The following SLIT3 variants were observed in gnomAD, a reference collection of about 807,000 sequenced individuals.
The protein encoded by SLIT3 is slit homolog 3 protein.
SLIT3 carries 68 observed loss-of-function variants against 184.0 expected under a neutral mutation model. The observed-to-expected ratio is 0.37, with a 90% confidence interval of 0.30 to 0.45. The LOEUF (loss-of-function observed/expected upper bound fraction) is 0.45, where lower values mean the gene tolerates loss of function less well. Among genes scored for constraint, SLIT3 ranks in the 20% least tolerant of loss-of-function variants. SLIT3 has a pLI of 1.00. For synonymous variants in SLIT3, 831 were observed against 828.6 expected (o/e 1.00, Z -0.05); for missense variants, 1,707 against 2,026.0 (o/e 0.84, Z 3.02).
chr5:168,721,941 T>A (rs905543689), intron 23 of SLIT3, among the ~76,000 whole-genome samples: 1 of 152,086 alleles, frequency 6.6e-6, no homozygotes, highest in Admixed American at 6.5e-5. Context: ...TACTAGAGGG[T>A]AGAATACAAT....
chr5:168,992,100 T>G (rs1755350221), intron 4 of SLIT3, among the ~76,000 whole-genome samples: 1 of 152,266 alleles, frequency 6.6e-6, no homozygotes, highest in Admixed American at 6.5e-5. Flanking sequence ...CCAAAGCCAT[T>G]GCCTTTGCCA....
At chr5:168,727,529 G>C (rs1233813164) in intron 20 of SLIT3, among the ~76,000 whole-genome samples, 1 of 152,132 alleles carries the variant, frequency 6.6e-6, no homozygotes, top group South Asian at 2.1e-4. Flanking sequence ...GCCTGGAGAG[G>C]ACAGTGGGAG....
chr5:169,166,048 A>G (rs1762627702), intron 4 of SLIT3, among the ~76,000 whole-genome samples: 1 of 152,220 alleles, frequency 6.6e-6, no homozygotes, highest in Non-Finnish European at 1.5e-5. Context: ...GGGAGGTTAA[A>G]TAACTTGCCC....
intron 1 of SLIT3, among the ~76,000 whole-genome samples, chr5:169,266,331 C>T (rs1372627129): frequency 1.3e-5 from 2 of 152,216 alleles, no homozygotes; most frequent in Non-Finnish European, 2.9e-5. Flanking sequence ...CAAACTGTTC[C>T]ATTTTCCTCC....
At chr5:168,818,098 T>C (rs1757397169) in intron 7 of SLIT3, among the ~76,000 whole-genome samples, 2 of 152,094 alleles carry the variant, frequency 1.3e-5, no homozygotes, top group Admixed American at 1.3e-4. Context: ...CCCACTTAAA[T>C]AAGGTGTTGT....
intron 26 of SLIT3, among the ~76,000 whole-genome samples, chr5:168,701,478 G>A (rs753727135): frequency 3.3e-5 from 5 of 152,218 alleles, no homozygotes; most frequent in African/African-American, 1.2e-4. Flanking sequence ...TGAAGGGGAC[G>A]TGTGAGCTGA....
chr5:168,922,511 C>A (rs1029746671), intron 4 of SLIT3, among the ~76,000 whole-genome samples: 1 of 147,720 alleles, frequency 6.8e-6, no homozygotes, highest in Non-Finnish European at 1.5e-5. Context: ...AAGTAAAAAT[C>A]CGTAGAGGTG....
At chr5:168,752,834 C>A in intron 18 of SLIT3, 121 bp downstream of exon 18, 2 of 994,138 alleles carry the variant, frequency 2.0e-6, no homozygotes, top group Non-Finnish European at 1.5e-6. Context: ...GAAAGCCTGA[C>A]GAGTTTTTAA....
At position 168,826,764 on chromosome 5, in the gene SLIT3, TTTC is replaced by T. The variant is rs200225733; in HGVS notation, c.558-3436_558-3434del. Among the ~76,000 whole-genome samples the T allele has an allele frequency of 4.4e-3, 665 of 152,216 alleles. 7 individuals are homozygous for T. Among genetic ancestry groups the T allele is most frequent in the African/African-American group, 0.016 (644 of 41,528 alleles). ...GAGCTAAGGGTACTGCATTGTACCG[TTTC>T]TTTTCTTTTTCTGAGACAGAGTCTC... On this transcript the variant is annotated intron_variant, in intron 6 of 35. Coordinates refer to ENST00000519560, the MANE Select transcript of SLIT3 (RefSeq NM_003062.4).
At chr5:169,044,787 G>T (rs544312529) in intron 4 of SLIT3, among the ~76,000 whole-genome samples, 4 of 152,294 alleles carry the variant, frequency 2.6e-5, no homozygotes, top group South Asian at 2.1e-4. Context: ...AAGGGCCAGG[G>T]TTGCTAGAAA....
rs28605730 is a variant in SLIT3 at position 168,835,308 on chromosome 5, T to C, written c.557+9276A>G. On this transcript the variant is annotated intron_variant, in intron 6 of 35. Coordinates refer to ENST00000519560, the MANE Select transcript of SLIT3 (RefSeq NM_003062.4). ...AATATAAAATCCCACATCTGCTGTT[T>C]TCATTCAACCCATGGGCCAGCAGTT... Among the ~76,000 whole-genome samples, 1,254 of 152,332 alleles carry C rather than the reference T, an allele frequency of 8.2e-3. 28 individuals carry two copies. Among genetic ancestry groups the C allele is most frequent in the African/African-American group, 0.028 (1,152 of 41,568 alleles).
intron 8 of SLIT3, 22 bp from the exon 9 acceptor site, chr5:168,806,609 G>T: frequency 6.8e-6 from 11 of 1,612,952 alleles, no homozygotes; most frequent in Non-Finnish European, 9.3e-6. Context: ...AGACACAACG[G>T]TCAACTTATG....
intron 4 of SLIT3, among the ~76,000 whole-genome samples, chr5:168,903,063 C>A (rs568323338): frequency 1.3e-5 from 2 of 152,338 alleles, no homozygotes; most frequent in East Asian, 3.9e-4. Context: ...AAGCCAACAT[C>A]ACTCAATCAG....
chr5:168,700,628 G>A lies in SLIT3; in HGVS notation c.2896C>T (p.His966Tyr). 6.2e-7 allele frequency: 1 copy of A among 1,614,204 alleles called. No homozygotes were observed. Residue 966 changes from histidine (H) to tyrosine (Y), a missense_variant, in exon 27 of 36, where the codon CAT becomes TAT. This residue lies in a region of SLIT3 where 1,307 missense variants were observed against 1,511.6 expected (regional missense o/e 0.86). Coordinates refer to ENST00000519560, the MANE Select transcript of SLIT3 (RefSeq NM_003062.4). The stretch of plus-strand genomic sequence containing the variant: ...TCACTCAGGTGGCAGGTGCCTCCAT[G>A]CTGACAGGGGTTCTGGATGCAGGTG... ...INTCIQNPCQ[H>Y]GGTCHLSDSH...
intron 1 of SLIT3, among the ~76,000 whole-genome samples, chr5:169,290,869 G>A (rs964823442): frequency 6.6e-6 from 1 of 152,054 alleles, no homozygotes; most frequent in African/African-American, 2.4e-5. Flanking sequence ...CATACGCTAG[G>A]GTGTACACTA....
chr5:168,768,271 A>G (rs1487436199), intron 14 of SLIT3: 1 of 494,274 alleles, frequency 2.0e-6, no homozygotes, highest in South Asian at 1.5e-5. Flanking sequence ...CAAGGTCAGG[A>G]AGCAGCGTCA....
chr5:169,119,910 C>T (rs1760820164), intron 4 of SLIT3: 1 of 152,196 alleles, frequency 6.6e-6, no homozygotes, highest in African/African-American at 2.4e-5. Flanking sequence ...TCAGAACCCT[C>T]ATTTGTCACA....
At chr5:169,251,304 G>A in intron 2 of SLIT3, 84 bp downstream of exon 2, 1 of 910,304 alleles carries the variant, frequency 1.1e-6, no homozygotes. Flanking sequence ...GCTTGGGAGT[G>A]TGATGTCAGG....
At chr5:168,858,148 T>C (rs1401142320) in intron 5 of SLIT3, among the ~76,000 whole-genome samples, 2 of 152,194 alleles carry the variant, frequency 1.3e-5, no homozygotes, top group African/African-American at 4.8e-5. Flanking sequence ...CTCCCACATC[T>C]ACTGGAAAAA....
Sources: allele counts gnomAD v4.1 joint callset (sites outside exome capture counted in the v4.1 genomes callset), GRCh38; gene constraint gnomAD v4.1.1; regional missense constraint gnomAD v4.1.1; transcripts MANE v1.5; gene names NCBI Gene and HGNC (gene_info 2026-07-23, HGNC 2026-07-21).